TNIP3: variants seen among roughly 807,000 people sequenced by gnomAD.
TNIP3 encodes TNFAIP3-interacting protein 3.
TNIP3 carries 34 observed loss-of-function variants against 54.1 expected under a neutral mutation model. The ratio of observed to expected loss-of-function variants is 0.63; its 90% CI spans 0.48 to 0.84. TNIP3 has a LOEUF of 0.84. Among genes scored for constraint, TNIP3 ranks in the 40% least tolerant of loss-of-function variants. The pLI, the probability that TNIP3 is intolerant of heterozygous loss-of-function variation, is 0.00. For missense variants in TNIP3, 366 were observed against 387.6 expected, an observed-to-expected ratio of 0.94 and a Z score of 0.47; for synonymous variants, 134 against 136.8, an observed-to-expected ratio of 0.98 and a Z score of 0.14.
At chr4:121,177,043 G>T (rs935252791) in intron 3 of TNIP3, among the ~76,000 whole-genome samples, 2 of 152,226 alleles carry the variant, frequency 1.3e-5, no homozygotes, top group East Asian at 3.9e-4. Context: ...TAAAATTTGG[G>T]CATTTTCCCT....
chr4:121,144,703 GT>G (rs1367202410), intron 7 of TNIP3, among the ~76,000 whole-genome samples: 1 of 152,140 alleles, frequency 6.6e-6, no homozygotes, highest in Admixed American at 6.6e-5. Flanking sequence ...CACCCGGCCT[GT>G]TTTTGCTTTT....
intron 2 of TNIP3, among the ~76,000 whole-genome samples, chr4:121,189,823 G>A (rs1473498204): frequency 1.3e-5 from 2 of 152,250 alleles, no homozygotes; most frequent in African/African-American, 4.8e-5. Context: ...ATAAACCTGG[G>A]CTCTGTTGTT....
At chr4:121,159,808 T>A (rs970966862) in intron 2 of TNIP3, among the ~76,000 whole-genome samples, 2 of 152,232 alleles carry the variant, frequency 1.3e-5, no homozygotes, top group African/African-American at 4.8e-5. Context: ...GTTGGGGAAG[T>A]TTGTAGTTTT....
In TNIP3 at chr4:121,193,724, G is replaced by A. The variant is rs1725421941; in HGVS notation, c.69-10928C>T. On this transcript the variant is annotated intron_variant, in intron 2 of 12. Coordinates refer to the TNIP3 transcript ENST00000507879. Reference sequence around the variant, plus strand: ...ATGCTACATTGGGGAATCTTGGCAGGTACCACTTTAATCAAATGATCAAGG... The same window carrying A: ...ATGCTACATTGGGGAATCTTGGCAGATACCACTTTAATCAAATGATCAAGG... Among the ~76,000 whole-genome samples, 9 of 152,110 alleles carry A rather than the reference G, an allele frequency of 5.9e-5. No homozygotes were observed. The South Asian group carries it at 1.9e-3, about 32-fold the overall frequency.
chr4:121,177,783 A>G (rs1240542812), intron 3 of TNIP3, among the ~76,000 whole-genome samples: 1 of 151,102 alleles, frequency 6.6e-6, no homozygotes, highest in Admixed American at 6.6e-5. Context: ...GTTTTGTTTT[A>G]AATATAGGGT....
At chr4:121,225,862 C>T (rs1727234412) in intron 1 of TNIP3, among the ~76,000 whole-genome samples, 1 of 152,076 alleles carries the variant, frequency 6.6e-6, no homozygotes, top group African/African-American at 2.4e-5. Context: ...CTTTGCCTGT[C>T]TCTTCTACAC....
intron 1 of TNIP3, among the ~76,000 whole-genome samples, chr4:121,162,362 C>A (rs1730504616): frequency 6.6e-6 from 1 of 152,146 alleles, no homozygotes; most frequent in Non-Finnish European, 1.5e-5. Context: ...ACAATTAAGA[C>A]CACATTTAAA....
chr4:121,164,526 A>G (rs970498120), upstream of TNIP3, among the ~76,000 whole-genome samples: 1 of 152,190 alleles, frequency 6.6e-6, no homozygotes, highest in South Asian at 2.1e-4. Flanking sequence ...GGGCAATCCA[A>G]GTGTTTCCTC....
intron 2 of TNIP3, 31 bp downstream of exon 2, chr4:121,161,105 C>T (rs1730421577): frequency 2.0e-6 from 3 of 1,481,576 alleles, no homozygotes; most frequent in African/African-American, 1.4e-5. Context: ...ATCCATGGCA[C>T]CTGTGGCTTT....
At chr4:121,184,656 G>A (rs1242892181) in intron 2 of TNIP3, among the ~76,000 whole-genome samples, 2 of 152,066 alleles carry the variant, frequency 1.3e-5, no homozygotes, top group Non-Finnish European at 2.9e-5. Flanking sequence ...TATTTTTAAA[G>A]CTAGCTTTGC....
At chr4:121,187,198 C>CA (rs1283908690) in intron 2 of TNIP3, among the ~76,000 whole-genome samples, 15 of 151,644 alleles carry the variant, frequency 9.9e-5, no homozygotes, top group African/African-American at 1.2e-4. Flanking sequence ...AACAAACAAA[C>CA]AAAAAAAACA....
At chr4:121,180,816 T>C (rs1014348586) in intron 3 of TNIP3, among the ~76,000 whole-genome samples, 4 of 152,240 alleles carry the variant, frequency 2.6e-5, no homozygotes, top group African/African-American at 9.6e-5. Flanking sequence ...ATTTTCGTTT[T>C]ACTTATCTAT....
At chr4:121,220,877 C>G (rs553595943), upstream of TNIP3, among the ~76,000 whole-genome samples, 32 of 152,088 alleles carry the variant, frequency 2.1e-4, no homozygotes, top group Middle Eastern at 3.4e-3. Context: ...AAGAGCAATA[C>G]GTTCAGTCAA....
chr4:121,141,651 A>C (rs1729123675), intron 9 of TNIP3, among the ~76,000 whole-genome samples, 165 bp downstream of exon 9: 1 of 152,192 alleles, frequency 6.6e-6, no homozygotes, highest in Non-Finnish European at 1.5e-5. Flanking sequence ...CAGTGTCCCA[A>C]AGATAATTCT....
intron 9 of TNIP3, among the ~76,000 whole-genome samples, chr4:121,139,422 GAATGGAGC>G (rs1259263146): frequency 2.6e-5 from 4 of 152,180 alleles, no homozygotes; most frequent in Non-Finnish European, 4.4e-5. Flanking sequence ...TAACGCTTAG[GAATGGAGC>G]AATCTCAGCT....
At chr4:121,172,447 A>T (rs1724023343) in intron 3 of TNIP3, among the ~76,000 whole-genome samples, 1 of 152,016 alleles carries the variant, frequency 6.6e-6, no homozygotes, top group Non-Finnish European at 1.5e-5. Flanking sequence ...CAATGAAAAA[A>T]CCCGTAAGAG....
At chr4:121,225,263 G>A (rs190051945) in intron 1 of TNIP3, among the ~76,000 whole-genome samples, 147 of 152,266 alleles carry the variant, frequency 9.7e-4, no homozygotes, top group African/African-American at 3.4e-3. Context: ...GATTAATCAA[G>A]AGATTCATTT....
intron 3 of TNIP3, among the ~76,000 whole-genome samples, chr4:121,157,506 G>C (rs1033230839): frequency 2.6e-5 from 4 of 152,122 alleles, no homozygotes; most frequent in African/African-American, 4.8e-5. Context: ...CTTCAGAGGG[G>C]ATAAAAGACT....
intron 3 of TNIP3, among the ~76,000 whole-genome samples, chr4:121,179,036 G>C (rs1027085864): frequency 6.6e-6 from 1 of 152,204 alleles, no homozygotes; most frequent in African/African-American, 2.4e-5. Flanking sequence ...GGGTGAAAAG[G>C]TTTCAAAACC....
Sources: allele counts gnomAD v4.1 joint callset (sites outside exome capture counted in the v4.1 genomes callset), GRCh38; gene constraint gnomAD v4.1.1; transcripts MANE v1.5; gene names NCBI Gene and HGNC (gene_info 2026-07-23, HGNC 2026-07-21).